PCDH15: variants seen among roughly 807,000 people sequenced by gnomAD.
PCDH15 encodes protocadherin related 15.
PCDH15 carries 129 observed loss-of-function variants against 178.5 expected under a neutral mutation model. The observed-to-expected ratio is 0.72, with a 90% CI of 0.63 to 0.84. The LOEUF is 0.84. Among genes scored for constraint, PCDH15 ranks in the 40% least tolerant of loss-of-function variants. PCDH15 has a pLI of 0.00. For synonymous variants in PCDH15, 800 were observed against 732.0 expected, an observed-to-expected ratio of 1.09 and a Z score of -1.50; for missense variants, 2,230 against 2,099.9, an observed-to-expected ratio of 1.06 and a Z score of -1.21.
At chr10:55,005,890 T>C (rs1186597585) in intron 2 of PCDH15, among the ~76,000 whole-genome samples, 1 of 152,062 alleles carries the variant, frequency 6.6e-6, no homozygotes, top group Non-Finnish European at 1.5e-5. Context: ...AGAACTATTT[T>C]GCTCTATAAA....
At chr10:53,960,397 C>A (rs775978230) in intron 22 of PCDH15, among the ~76,000 whole-genome samples, 1 of 152,092 alleles carries the variant, frequency 6.6e-6, no homozygotes, top group African/African-American at 2.4e-5. Context: ...GGTATACTAT[C>A]TCTTAAAAAC....
intron 26 of PCDH15, among the ~76,000 whole-genome samples, chr10:53,884,390 G>T (rs1444302236): frequency 6.6e-6 from 1 of 152,028 alleles, no homozygotes; most frequent in Non-Finnish European, 1.5e-5. Flanking sequence ...TCATTCCGTG[G>T]GTGCCATTTC....
At chr10:54,633,393 A>T (rs1427975338) in intron 2 of PCDH15, among the ~76,000 whole-genome samples, 1 of 152,102 alleles carries the variant, frequency 6.6e-6, no homozygotes, top group East Asian at 1.9e-4. Context: ...AATCATTTAG[A>T]AAGGAGATTT....
At chr10:55,470,535 T>C (rs1404681829) in intron 2 of PCDH15, among the ~76,000 whole-genome samples, 1 of 152,148 alleles carries the variant, frequency 6.6e-6, no homozygotes, top group Non-Finnish European at 1.5e-5. Flanking sequence ...GCCTTTAGTT[T>C]TTAGGGAGGT....
chr10:54,893,624 T>C (rs915296195), intron 3 of PCDH15, among the ~76,000 whole-genome samples: 1 of 152,122 alleles, frequency 6.6e-6, no homozygotes, highest in Non-Finnish European at 1.5e-5. Context: ...AATAAAATTT[T>C]AATCTGAGAT....
At chr10:54,702,712 T>C (rs1003861608) in intron 1 of PCDH15, among the ~76,000 whole-genome samples, 1 of 151,868 alleles carries the variant, frequency 6.6e-6, no homozygotes, top group African/African-American at 2.4e-5. Context: ...AAATAAGTAA[T>C]ACAACGCCTA....
At chr10:54,066,364 T>C (rs1481234663) in intron 18 of PCDH15, among the ~76,000 whole-genome samples, 1 of 152,156 alleles carries the variant, frequency 6.6e-6, no homozygotes, top group Non-Finnish European at 1.5e-5. Context: ...AAACACACGG[T>C]AGACTCTAAA....
At chr10:55,576,704 T>C (rs1261406008) in intron 2 of PCDH15, among the ~76,000 whole-genome samples, 1 of 150,592 alleles carries the variant, frequency 6.6e-6, no homozygotes, top group African/African-American at 2.4e-5. Flanking sequence ...CTTTCATTTA[T>C]ATACCAAAAC....
intron 3 of PCDH15, among the ~76,000 whole-genome samples, chr10:54,846,849 T>C (rs999603141): frequency 6.6e-6 from 1 of 152,116 alleles, no homozygotes; most frequent in African/African-American, 2.4e-5. Context: ...AAAAATAAAA[T>C]TCTATAAAAC....
At chr10:55,497,296 A>AAT (rs557864520) in intron 2 of PCDH15, among the ~76,000 whole-genome samples, 2 of 147,326 alleles carry the variant, frequency 1.4e-5, no homozygotes, top group Non-Finnish European at 3.0e-5. Context: ...CGCCTGGCTG[A>AAT]TTTTTTTTTT....
intron 8 of PCDH15, among the ~76,000 whole-genome samples, chr10:54,251,155 C>G (rs1367197461): frequency 6.6e-6 from 1 of 152,080 alleles, no homozygotes; most frequent in East Asian, 1.9e-4. Context: ...CTTTTTCTTT[C>G]AATGCACTGC....
chr10:55,089,256 T>A (rs1842256053), intron 2 of PCDH15, among the ~76,000 whole-genome samples: 1 of 152,144 alleles, frequency 6.6e-6, no homozygotes, highest in Admixed American at 6.6e-5. Context: ...TTGGACCTAG[T>A]TTATAAAATA....
At chr10:55,227,159 A>G (rs1273707994) in intron 1 of PCDH15, among the ~76,000 whole-genome samples, 2 of 152,126 alleles carry the variant, frequency 1.3e-5, no homozygotes, top group Admixed American at 1.3e-4. Flanking sequence ...ATCATAGAGC[A>G]GACATTAAAA....
At chr10:54,115,362 A>G (rs1174180244) in intron 15 of PCDH15, among the ~76,000 whole-genome samples, 1 of 152,180 alleles carries the variant, frequency 6.6e-6, no homozygotes, top group African/African-American at 2.4e-5. Flanking sequence ...GGGAAATACT[A>G]ATTTTGAGAT....
intron 2 of PCDH15, among the ~76,000 whole-genome samples, chr10:54,575,673 AT>A (rs11355459): frequency 0.94 from 142,370 of 152,112 alleles, 66,904 homozygotes; most frequent in Middle Eastern, 0.98. Flanking sequence ...AAAATTCCTA[AT>A]TTTTCAATAT....
chr10:55,333,992 T>G (rs1844285143), intron 2 of PCDH15, among the ~76,000 whole-genome samples: 1 of 151,694 alleles, frequency 6.6e-6, no homozygotes, highest in African/African-American at 2.4e-5. Context: ...GATATTTATA[T>G]GTTCCTTACA....
chr10:55,470,119 GGCAA>G (rs1460874987), intron 2 of PCDH15, among the ~76,000 whole-genome samples: 5 of 152,060 alleles, frequency 3.3e-5, no homozygotes, highest in Admixed American at 6.6e-5. Context: ...GGGAGGCTGA[GGCAA>G]GCAGATCTCT....
At chr10:53,886,572 G>A (rs1458126084) in intron 26 of PCDH15, among the ~76,000 whole-genome samples, 3 of 137,774 alleles carry the variant, frequency 2.2e-5, no homozygotes, top group East Asian at 2.1e-4. Context: ...GCTGCTAGTC[G>A]TTTCCTGCCC....
At chr10:55,590,594 A>G (rs1039935984) in intron 2 of PCDH15, among the ~76,000 whole-genome samples, 1 of 152,178 alleles carries the variant, frequency 6.6e-6, no homozygotes, top group African/African-American at 2.4e-5. Flanking sequence ...AGACAAAAAC[A>G]GATGGATGCT....
Sources: allele counts gnomAD v4.1 joint callset (sites outside exome capture counted in the v4.1 genomes callset), GRCh38; gene constraint gnomAD v4.1.1; transcripts MANE v1.5; gene names NCBI Gene and HGNC (gene_info 2026-07-23, HGNC 2026-07-21).